The following ADAMTSL1 variants were observed in gnomAD, a reference collection of about 807,000 sequenced individuals.
ADAMTSL1 encodes the protein ADAMTS like 1.
In ADAMTSL1, 126 loss-of-function variants were observed where a neutral mutation model predicts 201.8. The ratio of observed to expected loss-of-function variants is 0.62; its 90% confidence interval spans 0.54 to 0.72. The LOEUF (loss-of-function observed/expected upper bound fraction) is 0.72, where lower values mean the gene tolerates loss of function less well. Ranked by LOEUF, ADAMTSL1 falls within the 30% of genes least tolerant of loss-of-function variation. The pLI is 0.00. For synonymous variants in ADAMTSL1, 1,121 were observed against 903.4 expected (o/e 1.24, Z -4.32); for missense variants, 2,679 against 2,277.8 (o/e 1.18, Z -3.59).
intron 1 of ADAMTSL1, among the ~76,000 whole-genome samples, chr9:18,124,023 G>A (rs1587104367): frequency 6.8e-6 from 1 of 146,048 alleles, no homozygotes; most frequent in East Asian, 2.0e-4. Context: ...GTTTTGATTT[G>A]CATTTTCCTA....
chr9:18,459,418 C>G (rs944463295), intron 2 of ADAMTSL1, among the ~76,000 whole-genome samples: 17 of 152,098 alleles, frequency 1.1e-4, no homozygotes, highest in Non-Finnish European at 5.9e-5. Context: ...TTCAAGTCCT[C>G]TGTTGCACTT....
At chr9:18,099,348 TATA>T (rs1824399949) in intron 1 of ADAMTSL1, among the ~76,000 whole-genome samples, 5 of 49,808 alleles carry the variant, frequency 1.0e-4, no homozygotes, top group South Asian at 7.2e-4. Context: ...TATATATATA[TATA>T]TATATTTTTT....
At chr9:18,071,771 C>T (rs555965243) in intron 1 of ADAMTSL1, among the ~76,000 whole-genome samples, 57 of 152,268 alleles carry the variant, frequency 3.7e-4, no homozygotes, top group African/African-American at 1.3e-3. Flanking sequence ...AGAGTACAGC[C>T]GGTGAATTAT....
At chr9:18,876,504 T>G (rs976547537) in intron 23 of ADAMTSL1, among the ~76,000 whole-genome samples, 8 of 152,198 alleles carry the variant, frequency 5.3e-5, no homozygotes, top group African/African-American at 1.9e-4. Flanking sequence ...CTTTCCTTCA[T>G]GTATGATGCT....
intron 1 of ADAMTSL1, among the ~76,000 whole-genome samples, chr9:18,057,345 T>A (rs1242663345): frequency 6.6e-6 from 1 of 152,210 alleles, no homozygotes; most frequent in Non-Finnish European, 1.5e-5. Context: ...GGAAATTGGC[T>A]ATGGGATGCT....
At position 18,588,884 on chromosome 9, in the gene ADAMTSL1, CATATATAT is replaced by C. The variant is rs754566534; in HGVS notation, c.474+14630_474+14637del. Reference sequence around the variant, plus strand: ...GCTTTGTGCCATATATATACATATACATATATATATATATATATACATATATATACACA... The same window carrying C: ...GCTTTGTGCCATATATATACATATACATATATATATACATATATATACACA... On this transcript the variant is annotated intron_variant, in intron 4 of 28. Transcript: ENST00000380548. 1.9e-3 allele frequency among the ~76,000 whole-genome samples: 239 copies of C among 122,862 alleles called. 4 individuals carry two copies. Among genetic ancestry groups the C allele is most frequent in the African/African-American group, 6.6e-3 (224 of 33,814 alleles). The allele number at this position is 122,862 out of a possible 152,430, so 80.6% of individuals were successfully genotyped here. A position where few individuals can be genotyped will look rare whatever the true frequency, so the allele number is the denominator to read the frequency against.
intron 2 of ADAMTSL1, among the ~76,000 whole-genome samples, chr9:18,293,092 A>T (rs573677564): frequency 6.6e-6 from 1 of 152,152 alleles, no homozygotes; most frequent in Non-Finnish European, 1.5e-5. Context: ...GCCAGACATG[A>T]TCTTATTCTT....
chr9:18,805,890 C>G (rs1334351957), intron 20 of ADAMTSL1, among the ~76,000 whole-genome samples: 2 of 152,192 alleles, frequency 1.3e-5, no homozygotes, highest in Non-Finnish European at 2.9e-5. Context: ...ATCTGCCCAG[C>G]CTGCGGTCCT....
chr9:18,755,502 A>G (rs1819699887), intron 16 of ADAMTSL1, among the ~76,000 whole-genome samples: 1 of 152,222 alleles, frequency 6.6e-6, no homozygotes, highest in African/African-American at 2.4e-5. Context: ...AGGTCTTAAT[A>G]TCGTCCTAGT....
intron 1 of ADAMTSL1, among the ~76,000 whole-genome samples, chr9:17,944,509 C>T (rs1187853286): frequency 6.6e-6 from 1 of 151,904 alleles, no homozygotes; most frequent in East Asian, 1.9e-4. Context: ...ATCATCAAGT[C>T]AATCCTAAGC....
chr9:18,749,530 T>TC (rs1399668398), intron 15 of ADAMTSL1, among the ~76,000 whole-genome samples: 1 of 152,036 alleles, frequency 6.6e-6, no homozygotes, highest in African/African-American at 2.4e-5. Flanking sequence ...CCCCAGAACC[T>TC]CAGAGAAAGA....
At chr9:18,537,161 T>G (rs1047815864) in intron 3 of ADAMTSL1, among the ~76,000 whole-genome samples, 5 of 152,220 alleles carry the variant, frequency 3.3e-5, no homozygotes, top group Non-Finnish European at 4.4e-5. Flanking sequence ...CAAGACCCAA[T>G]TCTCCTGAAC....
At chr9:18,709,681 A>G (rs1832436462) in intron 14 of ADAMTSL1, among the ~76,000 whole-genome samples, 1 of 152,218 alleles carries the variant, frequency 6.6e-6, no homozygotes, top group South Asian at 2.1e-4. Context: ...TCAGATCTGT[A>G]TCCTGTGTCC....
intron 1 of ADAMTSL1, among the ~76,000 whole-genome samples, chr9:18,041,394 T>C (rs1337344101): frequency 6.6e-6 from 1 of 152,156 alleles, no homozygotes; most frequent in African/African-American, 2.4e-5. Flanking sequence ...AATAGAAAAG[T>C]CAATAAAGCA....
chr9:18,670,109 C>A (rs1246480837), intron 9 of ADAMTSL1, among the ~76,000 whole-genome samples: 3 of 152,130 alleles, frequency 2.0e-5, no homozygotes, highest in East Asian at 1.9e-4. Flanking sequence ...GATGGAGCAC[C>A]ATTTTCTATA....
chr9:17,983,990 A>T (rs2131473890), intron 1 of ADAMTSL1, among the ~76,000 whole-genome samples: 1 of 152,290 alleles, frequency 6.6e-6, no homozygotes, highest in South Asian at 2.1e-4. Flanking sequence ...AGTTAAATTT[A>T]AGTGATTTAA....
At chr9:18,019,568 C>G (rs570180658) in intron 1 of ADAMTSL1, among the ~76,000 whole-genome samples, 5 of 152,148 alleles carry the variant, frequency 3.3e-5, no homozygotes, top group African/African-American at 1.2e-4. Flanking sequence ...AAGATTAAGA[C>G]TGTGTCTCTC....
chr9:17,965,460 C>T (rs1388305002), intron 1 of ADAMTSL1, among the ~76,000 whole-genome samples: 1 of 152,054 alleles, frequency 6.6e-6, no homozygotes, highest in African/African-American at 2.4e-5. Flanking sequence ...AAAAAGTATT[C>T]CATCTATGTT....
rs116391237 is a variant in ADAMTSL1, at chr9:18,476,494, C to T, written c.63+2199C>T. ...TTAAAGATATGTACAATATCATGAG[C>T]ACTTGTTAAACTTGCTCATTAACTG... On this transcript the variant is annotated intron_variant, in intron 1 of 28. Transcript: ENST00000380548. Among the ~76,000 whole-genome samples, 340 of 152,220 alleles carry T rather than the reference C, an allele frequency of 2.2e-3. 1 individual carries two copies. The highest frequency in any genetic ancestry group is 7.8e-3 in the African/African-American group (325 of 41,552).
Sources: allele counts gnomAD v4.1 joint callset (sites outside exome capture counted in the v4.1 genomes callset), GRCh38; gene constraint gnomAD v4.1.1; transcripts MANE v1.5; gene names NCBI Gene and HGNC (gene_info 2026-07-23, HGNC 2026-07-21).